TRIM5: variants seen among roughly 807,000 people sequenced by gnomAD.
The protein encoded by TRIM5 is tripartite motif containing 5.
Under a neutral mutation model 35.6 loss-of-function variants are expected in TRIM5, and 31 were observed. That is an observed-to-expected ratio of 0.87 (90% confidence interval 0.65 to 1.18). The LOEUF (loss-of-function observed/expected upper bound fraction) is 1.18. Ranked by LOEUF, TRIM5 falls within the 50% of genes most tolerant of loss-of-function variation. The probability of loss-of-function intolerance (pLI) is 0.00; values close to 1 mark genes in which losing one functional copy is unlikely to be tolerated. For synonymous variants in TRIM5, 243 were observed against 215.6 expected (o/e 1.13, Z -1.11); for missense variants, 609 against 591.6 (o/e 1.03, Z -0.31).
the TRIM5 span, chr11:5,633,981 T>G: frequency 6.8e-7 from 1 of 1,459,862 alleles, no homozygotes; most frequent in Middle Eastern, 1.8e-4. Flanking sequence ...TTTTTATTCC[T>G]TGACATTGCA....
At chr11:5,608,496 C>A in the TRIM5 span, 1 of 1,553,614 alleles carries the variant, frequency 6.4e-7, no homozygotes, top group Non-Finnish European at 8.7e-7. Flanking sequence ...GGGGAAGATT[C>A]AAGAGAGTAG....
At chr11:5,632,139 C>T in the TRIM5 span, 1 of 1,441,100 alleles carries the variant, frequency 6.9e-7, no homozygotes, top group South Asian at 1.5e-5. Flanking sequence ...TTTGGTTTCT[C>T]TTCCTCATCT....
chr11:5,665,031 A>C lies in TRIM5; in HGVS notation c.1260T>G (p.Thr420=). The C allele has an allele frequency of 6.2e-7, 1 of 1,614,150 alleles. No homozygotes were observed. Among genetic ancestry groups the C allele is most frequent in the South Asian group, 1.1e-5 (1 of 91,080 alleles). The change falls in exon 8 of 8, where the codon ACT becomes ACG. Residue 420 remains threonine (T), a synonymous_variant. Transcript: ENST00000380034. ...CSAFQDSSFH[T]PSVPFIVPLS... ...GGGGCACAATGAAAGGAACAGAAGG[A>C]GTATGGAAGGAACTATCCTGGAAAG...
At chr11:5,635,690 C>T in the TRIM5 span, among the ~76,000 whole-genome samples, 1 of 152,134 alleles carries the variant, frequency 6.6e-6, no homozygotes, top group African/African-American at 2.4e-5. Context: ...AGATTTGGAA[C>T]GAAGCAGGAG....
the TRIM5 span, among the ~76,000 whole-genome samples, chr11:5,594,586 C>CG: frequency 1.3e-5 from 2 of 152,076 alleles, no homozygotes; most frequent in Admixed American, 1.3e-4. Flanking sequence ...GGATTACAAG[C>CG]GAGCCAACAT....
chr11:5,658,674 T>C (rs1024199422), downstream of TRIM5, among the ~76,000 whole-genome samples: 2 of 152,226 alleles, frequency 1.3e-5, no homozygotes, highest in African/African-American at 4.8e-5. Flanking sequence ...TGTTGATCTA[T>C]GGGTGAGGAC....
At chr11:5,650,178 T>G in the TRIM5 span, among the ~76,000 whole-genome samples, 1 of 152,218 alleles carries the variant, frequency 6.6e-6, no homozygotes. Flanking sequence ...TCTATTCCAG[T>G]GAGGAGAAAA....
chr11:5,605,320 C>G, the TRIM5 span: 1 of 1,613,832 alleles, frequency 6.2e-7, no homozygotes, highest in South Asian at 1.1e-5. Context: ...GCCTCTTTTT[C>G]TTCCCTGTTC....
chr11:5,591,869 T>C, the TRIM5 span, among the ~76,000 whole-genome samples: 1 of 151,482 alleles, frequency 6.6e-6, no homozygotes, highest in South Asian at 2.1e-4. Context: ...TATCTAGGCA[T>C]GTTCAGGCTA....
chr11:5,634,809 T>C, the TRIM5 span: 1 of 1,613,668 alleles, frequency 6.2e-7, no homozygotes, highest in Non-Finnish European at 8.5e-7. Flanking sequence ...GTGAGAGAGC[T>C]CATCTCAGAT....
chr11:5,629,042 C>G, the TRIM5 span, among the ~76,000 whole-genome samples: 8 of 152,006 alleles, frequency 5.3e-5, no homozygotes, highest in Non-Finnish European at 7.4e-5. Flanking sequence ...TTTGGGAGGC[C>G]GAGACAGGTG....
chr11:5,593,970 C>T, the TRIM5 span, among the ~76,000 whole-genome samples: 1 of 152,190 alleles, frequency 6.6e-6, no homozygotes, highest in Non-Finnish European at 1.5e-5. Flanking sequence ...ACTTGTTTTT[C>T]AATACATTTA....
intron 7 of TRIM5, 76 bp downstream of exon 7, chr11:5,665,580 C>A (rs575235627): frequency 6.3e-7 from 1 of 1,583,792 alleles, no homozygotes; most frequent in Non-Finnish European, 8.5e-7. Flanking sequence ...TAATAGAGAA[C>A]ATAAAATTCT....
chr11:5,658,153 G>C, the TRIM5 span, among the ~76,000 whole-genome samples: 16 of 152,150 alleles, frequency 1.1e-4, no homozygotes, highest in Admixed American at 5.2e-4. Flanking sequence ...TGTGCCTATA[G>C]CAGGAAGAGA....
the TRIM5 span, chr11:5,605,498 C>A: frequency 1.9e-6 from 3 of 1,614,104 alleles, no homozygotes; most frequent in South Asian, 3.3e-5. Context: ...TCCACCAGAC[C>A]CAGTCGCTGC....
At chr11:5,614,240 G>A in the TRIM5 span, among the ~76,000 whole-genome samples, 8 of 152,212 alleles carry the variant, frequency 5.3e-5, no homozygotes, top group Non-Finnish European at 8.8e-5. Flanking sequence ...ATGAGTGTAT[G>A]TAACTGGTGG....
intron 4 of TRIM5, among the ~76,000 whole-genome samples, chr11:5,670,624 T>C (rs1385911675): frequency 1.3e-5 from 2 of 151,944 alleles, no homozygotes; most frequent in Non-Finnish European, 2.9e-5. Flanking sequence ...AGTGAGAAAA[T>C]TGTAGCAGAT....
At chr11:5,658,192 A>G in the TRIM5 span, among the ~76,000 whole-genome samples, 1 of 152,312 alleles carries the variant, frequency 6.6e-6, no homozygotes, top group African/African-American at 2.4e-5. Flanking sequence ...AAGAGTAGCA[A>G]ATTGGTAGAA....
In TRIM5 at chr11:5,665,167, A is replaced by G; in HGVS notation, c.1124T>C (p.Val375Ala). The stretch of plus-strand genomic sequence containing the variant: ...TGCATCAGGTTGGAAGCCAGCACAT[A>G]CCCCCAGGATCCAAGCAGTTTTCTT... ...VSKKTAWILG[V>A]CAGFQPDAMC... is the part of the protein sequence containing the mutation. The change falls in exon 8 of 8, where the codon GTA (valine) becomes GCA (alanine). Residue 375 changes from valine (V) to alanine (A), a missense_variant. Coordinates refer to ENST00000380034, the MANE Select transcript of TRIM5 (RefSeq NM_033034.3). 1 of 1,614,024 alleles carries G rather than the reference A, an allele frequency of 6.2e-7. No homozygotes were observed. The highest frequency in any genetic ancestry group is 1.3e-5 in the African/African-American group (1 of 74,994).
Sources: gnomAD v4.1 joint callset for allele counts (sites outside exome capture counted in the v4.1 genomes callset) on GRCh38, gnomAD v4.1.1 for gene constraint, MANE v1.5 for transcripts, NCBI Gene and HGNC (gene_info 2026-07-23, HGNC 2026-07-21) for gene names.